Variants in ANXA8 observed in about 807,000 individuals in gnomAD.
ANXA8 encodes VAC-beta.
ANXA8 carries 9 observed loss-of-function variants against 26.8 expected under a neutral mutation model. The observed-to-expected ratio is 0.34, with a 90% confidence interval of 0.20 to 0.59. ANXA8 has a LOEUF of 0.59. Among genes scored for constraint, ANXA8 ranks in the 20% least tolerant of loss-of-function variants. The pLI is 0.84. For missense variants in ANXA8, 83 were observed against 238.5 expected (o/e 0.35, Z 4.29); for synonymous variants, 39 against 94.8 (o/e 0.41, Z 3.42).
At chr10:47,941,997 A>G in the ANXA8 span, among the ~76,000 whole-genome samples, 8 of 147,978 alleles carry the variant, frequency 5.4e-5, 1 homozygote, top group South Asian at 1.7e-3. Flanking sequence ...CTACTTTTTA[A>G]CAGCACTGAG....
the ANXA8 span, chr10:47,491,790 T>C: frequency 7.3e-7 from 1 of 1,373,492 alleles, no homozygotes; most frequent in Non-Finnish European, 1.0e-6. Flanking sequence ...CCCAGCCCAG[T>C]AGGAGGCTGG....
the ANXA8 span, among the ~76,000 whole-genome samples, chr10:47,928,936 CTTT>C: frequency 1.1e-5 from 1 of 89,506 alleles, no homozygotes; most frequent in Non-Finnish European, 2.1e-5. Flanking sequence ...AAAATTAAGT[CTTT>C]TTTTTTTCTT....
chr10:47,605,769 A>T, the ANXA8 span, among the ~76,000 whole-genome samples: 2 of 149,970 alleles, frequency 1.3e-5, no homozygotes, highest in East Asian at 1.9e-4. Flanking sequence ...AAAGAAGGAG[A>T]TAGATCAAAA....
the ANXA8 span, among the ~76,000 whole-genome samples, chr10:47,970,750 A>G: frequency 4.0e-5 from 6 of 151,398 alleles, no homozygotes; most frequent in African/African-American, 1.2e-4. Context: ...AAACCTTTTC[A>G]CAGGCCCTGA....
chr10:47,696,473 A>C, the ANXA8 span: 1 of 1,399,476 alleles, frequency 7.1e-7, no homozygotes, highest in South Asian at 1.3e-5. Context: ...GTCAGTTATT[A>C]AATCTTGGGA....
the ANXA8 span, among the ~76,000 whole-genome samples, chr10:47,755,494 A>G: frequency 6.7e-6 from 1 of 148,600 alleles, no homozygotes; most frequent in East Asian, 2.0e-4. Context: ...TGACCTCGTG[A>G]TCTGCCTACC....
At chr10:47,523,695 G>A in the ANXA8 span, 2 of 1,504,532 alleles carry the variant, frequency 1.3e-6, no homozygotes, top group East Asian at 5.3e-5. Flanking sequence ...CCCGGCCCCG[G>A]CCCCGGCCCC....
At chr10:47,589,505 G>C in the ANXA8 span, 1 of 146,202 alleles carries the variant, frequency 6.8e-6, no homozygotes, top group Non-Finnish European at 1.5e-5. Flanking sequence ...AATCAGGCTA[G>C]AGCCTAAAGA....
the ANXA8 span, among the ~76,000 whole-genome samples, chr10:47,679,166 C>CG: frequency 6.8e-6 from 1 of 148,060 alleles, no homozygotes; most frequent in African/African-American, 2.5e-5. Flanking sequence ...TTTTTGAGCA[C>CG]AGGAGTTCAA....
the ANXA8 span, among the ~76,000 whole-genome samples, chr10:47,744,422 T>TGGGGGGGGAGGGGGGAAGGGGGGGG: frequency 8.5e-5 from 1 of 11,734 alleles, no homozygotes; most frequent in African/African-American, 3.9e-4. Context: ...GGGGGGGGGG[T>TGGGGGGGGAGGGGGGAAGGGGGGGG]TGGGGGGGAG....
At chr10:47,504,846 CT>C in the ANXA8 span, among the ~76,000 whole-genome samples, 18 of 46,840 alleles carry the variant, frequency 3.8e-4, no homozygotes, top group Admixed American at 7.1e-4. Flanking sequence ...CATAACTGTT[CT>C]TTTTTTTTTT....
chr10:47,991,737 A>C, the ANXA8 span: 1 of 1,610,470 alleles, frequency 6.2e-7, no homozygotes, highest in Non-Finnish European at 8.5e-7. Flanking sequence ...CACGGAGATG[A>C]AGAGACACAG....
chr10:47,762,797 C>T, the ANXA8 span: 190 of 1,294,930 alleles, frequency 1.5e-4, no homozygotes, highest in South Asian at 2.1e-3. Flanking sequence ...GCGCAGTGCA[C>T]GGCAGGGGCA....
chr10:47,488,775 T>C (rs1840091961), upstream of ANXA8, among the ~76,000 whole-genome samples: 1 of 126,848 alleles, frequency 7.9e-6, no homozygotes, highest in African/African-American at 3.0e-5. Context: ...TCGCCCAGGC[T>C]GGAGTGCAGT....
chr10:47,982,834 A>ATATATATATATAT, the ANXA8 span, among the ~76,000 whole-genome samples: 230 of 67,522 alleles, frequency 3.4e-3, no homozygotes, highest in Middle Eastern at 7.8e-3. Context: ...ATATATATAT[A>ATATATATATATAT]AAATTTGATA....
At chr10:47,896,957 A>G in the ANXA8 span, among the ~76,000 whole-genome samples, 1 of 142,792 alleles carries the variant, frequency 7.0e-6, no homozygotes, top group Non-Finnish European at 1.5e-5. Flanking sequence ...TTGAGATGAA[A>G]TCTCTCTCTG....
At chr10:47,684,797 G>C in the ANXA8 span, among the ~76,000 whole-genome samples, 1 of 150,604 alleles carries the variant, frequency 6.6e-6, no homozygotes, top group Non-Finnish European at 1.5e-5. Flanking sequence ...TGTTGGCCAG[G>C]CTGGTCTCAA....
the ANXA8 span, among the ~76,000 whole-genome samples, chr10:47,899,230 AG>A: frequency 7.0e-6 from 1 of 142,894 alleles, no homozygotes; most frequent in Non-Finnish European, 1.5e-5. Context: ...GAATCAAGTA[AG>A]GAGAAAACAC....
the ANXA8 span, among the ~76,000 whole-genome samples, chr10:47,743,305 T>TATATACAC: frequency 2.2e-4 from 12 of 53,742 alleles, no homozygotes; most frequent in African/African-American, 4.8e-4. Context: ...CACATATATA[T>TATATACAC]ATATATACAC....
Sources: allele counts gnomAD v4.1 joint callset (sites outside exome capture counted in the v4.1 genomes callset), GRCh38; gene constraint gnomAD v4.1.1; transcripts MANE v1.5; gene names NCBI Gene and HGNC (gene_info 2026-07-23, HGNC 2026-07-21).